Variants in COL21A1 observed in about 807,000 individuals in gnomAD.
COL21A1 encodes collagen type XXI alpha 1 chain, also known as collagen alpha-1(XXI) chain.
COL21A1 carries 149 observed loss-of-function variants against 137.9 expected under a neutral mutation model. That is an observed-to-expected ratio of 1.08 (90% CI 0.95 to 1.24). The LOEUF (loss-of-function observed/expected upper bound fraction) is 1.24, where lower values mean the gene tolerates loss of function less well. Ranked by LOEUF, COL21A1 falls within the 50% of genes most tolerant of loss-of-function variation. The probability of loss-of-function intolerance (pLI) is 0.00; values close to 1 mark genes in which losing one functional copy is unlikely to be tolerated. For synonymous variants in COL21A1, 456 were observed against 391.5 expected (o/e 1.16, Z -1.95); for missense variants, 1,167 against 1,158.4 (o/e 1.01, Z -0.11).
chr6:56,359,009 A>G (rs1334017031), intron 1 of COL21A1, among the ~76,000 whole-genome samples: 1 of 152,048 alleles, frequency 6.6e-6, no homozygotes, highest in Non-Finnish European at 1.5e-5. Context: ...CACATTTTCT[A>G]TCTATAATAT....
chr6:56,261,212 G>A (rs1763265134), intron 1 of COL21A1, among the ~76,000 whole-genome samples: 1 of 152,036 alleles, frequency 6.6e-6, no homozygotes, highest in Non-Finnish European at 1.5e-5. Flanking sequence ...GCACAGCCCT[G>A]AGAAGGAGCG....
intron 1 of COL21A1, among the ~76,000 whole-genome samples, chr6:56,266,029 T>C (rs1763383484): frequency 6.6e-6 from 1 of 152,244 alleles, no homozygotes; most frequent in South Asian, 2.1e-4. Context: ...GTCCCAGTGC[T>C]TTTAACGAGG....
Position 56,168,157 on chromosome 6 carries a change from A to G in COL21A1, c.1167T>C (p.Ile389=). The change falls in exon 6 of 30, where the codon ATT becomes ATC. Residue 389 remains isoleucine, a synonymous_variant. Transcript: ENST00000244728. ...LGILINGQTQ[I]GKYSGKEETV... The stretch of plus-strand genomic sequence containing the variant: ...TTTCTTCTTTTCCAGAATATTTTCC[A>G]ATTTGGGTTTGCCCATTGATCAAGA... 1 of 1,535,568 alleles carries G rather than the reference A, an allele frequency of 6.5e-7. No homozygotes were observed. The highest frequency in any genetic ancestry group is 8.8e-7 in the Non-Finnish European group (1 of 1,137,218).
At position 56,179,633 on chromosome 6, in the gene COL21A1, T is replaced by G. The variant is rs1424893747; in HGVS notation, c.585A>C (p.Glu195Asp). The G allele has an allele frequency of 3.1e-6, 5 of 1,613,888 alleles. No individual in the cohort carries two copies. The highest frequency in any genetic ancestry group is 4.2e-6 in the Non-Finnish European group (5 of 1,179,828). ...TTATTTTGGATATTGCAATATAGTC[T>G]TCCACATAAAACACATAAGTAGACG... Reference protein sequence around the residue: ...KPSSTYVFYVEDYIAISKIRE... With the variant: ...KPSSTYVFYVDDYIAISKIRE... The change falls in exon 3 of 30, where the codon GAA becomes GAC. Residue 195 changes from glutamate to aspartate, a missense_variant. Coordinates refer to ENST00000244728, the MANE Select transcript of COL21A1 (RefSeq NM_030820.4).
intron 1 of COL21A1, among the ~76,000 whole-genome samples, chr6:56,337,130 T>G (rs1341884180): frequency 6.6e-6 from 1 of 152,214 alleles, no homozygotes. Flanking sequence ...ATGCTCTTCT[T>G]GATCCACCAA....
At chr6:56,349,417 G>A (rs1765663355) in intron 1 of COL21A1, among the ~76,000 whole-genome samples, 1 of 151,412 alleles carries the variant, frequency 6.6e-6, no homozygotes. Context: ...CTCTTAAAAA[G>A]CAAACTCAGA....
chr6:56,206,000 G>C (rs1172345613), intron 1 of COL21A1, among the ~76,000 whole-genome samples: 1 of 152,116 alleles, frequency 6.6e-6, no homozygotes, highest in Non-Finnish European at 1.5e-5. Flanking sequence ...ACATGGAGAG[G>C]AAAAACTGGT....
intron 1 of COL21A1, among the ~76,000 whole-genome samples, chr6:56,219,899 G>A (rs1195150902): frequency 2.6e-5 from 4 of 152,094 alleles, no homozygotes; most frequent in Non-Finnish European, 5.9e-5. Context: ...AAACACTGAG[G>A]TGTTATGAAG....
rs1769597033 is a variant in COL21A1 at position 56,097,908 on chromosome 6, TAAATATATATAAATATATAAATATATAA to T, written c.1812+3536_1812+3563del. 2.1e-5 allele frequency among the ~76,000 whole-genome samples: 2 copies of T among 96,928 alleles called. 1 individual carries two copies. The highest frequency in any genetic ancestry group is 3.8e-5 in the Non-Finnish European group (2 of 53,138). The allele number at this position is 96,928 out of a possible 152,430, so 63.6% of individuals were successfully genotyped here. On this transcript the variant is annotated intron_variant, in intron 17 of 29. Transcript: ENST00000244728. The stretch of plus-strand genomic sequence containing the variant: ...AAATATATATAAATATATAAATATA[TAAATATATATAAATATATAAATATATAA>T]AAATATATATAAATATAAAAATATA...
intron 23 of COL21A1, 101 bp downstream of exon 23, chr6:56,067,194 A>G: frequency 3.1e-6 from 3 of 981,852 alleles, no homozygotes; most frequent in Non-Finnish European, 4.4e-6. Flanking sequence ...TAACAACTTT[A>G]TATTAATGTT....
chr6:56,202,379 T>G (rs554739632), intron 1 of COL21A1, among the ~76,000 whole-genome samples: 1 of 152,298 alleles, frequency 6.6e-6, no homozygotes, highest in African/African-American at 2.4e-5. Flanking sequence ...ACATCCATCT[T>G]CCTTATCTCC....
intron 1 of COL21A1, among the ~76,000 whole-genome samples, chr6:56,332,981 T>A (rs544286166): frequency 2.0e-5 from 3 of 152,230 alleles, no homozygotes; most frequent in East Asian, 3.9e-4. Flanking sequence ...TAGTTTTCCA[T>A]GTTGTTTAAT....
chr6:56,216,373 C>T (rs1925143), intron 1 of COL21A1, among the ~76,000 whole-genome samples: 1 of 151,776 alleles, frequency 6.6e-6, no homozygotes, highest in East Asian at 1.9e-4. Flanking sequence ...ACCAAGTAGA[C>T]CCAAAAGTTG....
chr6:56,387,460 A>C (rs2094020422), intron 1 of COL21A1, among the ~76,000 whole-genome samples: 1 of 152,140 alleles, frequency 6.6e-6, no homozygotes, highest in Admixed American at 6.5e-5. Context: ...ACACCAAAAA[A>C]AATCAGGTAA....
At chr6:56,165,877 A>T (rs1776534931) in intron 7 of COL21A1, among the ~76,000 whole-genome samples, 1 of 150,132 alleles carries the variant, frequency 6.7e-6, no homozygotes. Flanking sequence ...GTAATACACC[A>T]ATATTTTGCC....
intron 1 of COL21A1, among the ~76,000 whole-genome samples, chr6:56,263,415 G>T (rs1318918049): frequency 1.3e-5 from 2 of 152,168 alleles, no homozygotes; most frequent in Admixed American, 6.5e-5. Context: ...ACTATGGGGA[G>T]TATTGAAATA....
In COL21A1 at chr6:56,384,689, T is replaced by C. The variant is rs73457822; in HGVS notation, c.-39+9282A>G. Among the ~76,000 whole-genome samples, 1,267 of 152,324 alleles carry C rather than the reference T, an allele frequency of 8.3e-3. 9 individuals carry two copies. The highest frequency in any genetic ancestry group is 0.029 in the African/African-American group (1,218 of 41,580). The stretch of plus-strand genomic sequence containing the variant: ...TGATAATATTACAGGGCAAATTTTT[T>C]TTTTCTGAATATTTTTAGGCGGCTG... On this transcript the variant is annotated intron_variant, in intron 1 of 28. Coordinates refer to the COL21A1 transcript ENST00000370819.
At chr6:56,300,984 T>C (rs139024909) in intron 1 of COL21A1, among the ~76,000 whole-genome samples, 5 of 152,264 alleles carry the variant, frequency 3.3e-5, no homozygotes, top group East Asian at 3.9e-4. Context: ...GCCACAGTTT[T>C]AACCTAGGAA....
intron 5 of COL21A1, among the ~76,000 whole-genome samples, chr6:56,168,789 C>T (rs1225255168): frequency 1.3e-5 from 2 of 151,966 alleles, no homozygotes; most frequent in East Asian, 3.9e-4. Context: ...GAGGGCATTA[C>T]TCATAGGTCT....
Sources: gnomAD v4.1 joint callset for allele counts (sites outside exome capture counted in the v4.1 genomes callset) on GRCh38, gnomAD v4.1.1 for gene constraint, MANE v1.5 for transcripts, NCBI Gene and HGNC (gene_info 2026-07-23, HGNC 2026-07-21) for gene names.